Variants in SPMAP2 observed in about 807,000 individuals in gnomAD.
SPMAP2 encodes the protein sperm microtubule associated protein 2.
chr19:373,457 G>A, the SPMAP2 span: 115 of 1,612,840 alleles, frequency 7.1e-5, no homozygotes, highest in Non-Finnish European at 8.6e-5. Flanking sequence ...CAGCAGGCAC[G>A]GGCTCCACCT....
At chr19:370,602 A>G in the SPMAP2 span, among the ~76,000 whole-genome samples, 148,365 of 151,754 alleles carry the variant, frequency 0.98, 72,585 homozygotes, top group Middle Eastern at 1. Flanking sequence ...CACCCGCCTC[A>G]GCCTTCCAAA....
At chr19:372,597 C>T in the SPMAP2 span, 1 of 1,608,212 alleles carries the variant, frequency 6.2e-7, no homozygotes. Flanking sequence ...CAAACTCTGC[C>T]TTCTGAGTAG....
the SPMAP2 span, among the ~76,000 whole-genome samples, chr19:372,135 T>C: frequency 6.6e-6 from 1 of 152,360 alleles, no homozygotes; most frequent in East Asian, 1.9e-4. Flanking sequence ...TGGACACACT[T>C]CCGCTGTCTA....
At chr19:375,870 C>A in the SPMAP2 span, 1 of 1,580,798 alleles carries the variant, frequency 6.3e-7, no homozygotes. Flanking sequence ...GTACACAGAG[C>A]TCTGGAGGCC....
chr19:371,400 G>C, the SPMAP2 span: 20 of 590,152 alleles, frequency 3.4e-5, no homozygotes, highest in Non-Finnish European at 5.3e-5. Context: ...GTGTGTGTGT[G>C]TGTGTATGTG....
the SPMAP2 span, chr19:372,538 G>T: frequency 1.5e-6 from 2 of 1,330,308 alleles, no homozygotes; most frequent in Non-Finnish European, 2.2e-6. Context: ...CTAGGACCTG[G>T]ACCCTTTCCC....
the SPMAP2 span, among the ~76,000 whole-genome samples, chr19:369,934 G>A: frequency 1.3e-5 from 2 of 152,208 alleles, no homozygotes; most frequent in Non-Finnish European, 2.9e-5. Flanking sequence ...CAGGCCATCT[G>A]GATGTATACG....
the SPMAP2 span, chr19:367,050 G>C: frequency 6.2e-7 from 1 of 1,612,680 alleles, no homozygotes; most frequent in Non-Finnish European, 8.5e-7. Flanking sequence ...TGCCTAGCCT[G>C]AGGCACCTAC....
chr19:365,265 C>G, the SPMAP2 span, among the ~76,000 whole-genome samples: 1 of 152,232 alleles, frequency 6.6e-6, no homozygotes, highest in Non-Finnish European at 1.5e-5. Flanking sequence ...CGGGTGGATG[C>G]GAGCTCTGCC....
At chr19:368,031 G>A in the SPMAP2 span, among the ~76,000 whole-genome samples, 1 of 152,138 alleles carries the variant, frequency 6.6e-6, no homozygotes, top group South Asian at 2.1e-4. The surrounding 1 kb of genome is among the most constrained non-coding windows in gnomAD (Gnocchi z 4.1). Flanking sequence ...AGACCTTGCG[G>A]ACGTTTCACC....
chr19:372,679 T>G, the SPMAP2 span: 1 of 1,614,046 alleles, frequency 6.2e-7, no homozygotes. Context: ...CCGAGACAGT[T>G]CCTCCACGCG....
the SPMAP2 span, chr19:375,852 C>CG: frequency 6.2e-7 from 1 of 1,601,110 alleles, no homozygotes; most frequent in Non-Finnish European, 8.5e-7. Context: ...TGTGACCCGC[C>CG]GGCTCTCGTA....
At chr19:375,839 G>A in the SPMAP2 span, 1 of 1,604,010 alleles carries the variant, frequency 6.2e-7, no homozygotes, top group Non-Finnish European at 8.5e-7. Flanking sequence ...GGCGTTCGGG[G>A]TCTGTGACCC....
the SPMAP2 span, among the ~76,000 whole-genome samples, chr19:365,546 C>G: frequency 1.7e-5 from 1 of 59,490 alleles, no homozygotes; most frequent in Non-Finnish European, 4.7e-5. Flanking sequence ...AGCACACACA[C>G]ACAGCCACAC....
the SPMAP2 span, among the ~76,000 whole-genome samples, chr19:363,690 C>T: frequency 0.24 from 35,467 of 150,514 alleles, 5,012 homozygotes; most frequent in African/African-American, 0.4. Context: ...CCCGCCACCA[C>T]GCCCGACTAA....
chr19:371,190 G>A, the SPMAP2 span: 5 of 1,409,476 alleles, frequency 3.5e-6, no homozygotes, highest in Admixed American at 7.7e-5. Flanking sequence ...GTCGCGGGGG[G>A]CACGGGGCAC....
the SPMAP2 span, among the ~76,000 whole-genome samples, chr19:369,941 T>C: frequency 6.6e-6 from 1 of 152,164 alleles, no homozygotes; most frequent in South Asian, 2.1e-4. Context: ...TCTGGATGTA[T>C]ACGTGCAAGT....
At chr19:370,453 T>C in the SPMAP2 span, among the ~76,000 whole-genome samples, 1 of 151,512 alleles carries the variant, frequency 6.6e-6, no homozygotes, top group African/African-American at 2.4e-5. Flanking sequence ...GCGATTCTCC[T>C]GCCTCAGCCT....
the SPMAP2 span, chr19:362,112 C>T: frequency 9.8e-7 from 1 of 1,022,404 alleles, no homozygotes; most frequent in Non-Finnish European, 1.4e-6. Flanking sequence ...GCCTTCTAGC[C>T]CGCCCTCCCT....
Sources: gnomAD v4.1 joint callset for allele counts (sites outside exome capture counted in the v4.1 genomes callset) on GRCh38, gnomAD v4.1.1 for gene constraint, Gnocchi (gnomAD v3.1) non-coding constraint, MANE v1.5 for transcripts, NCBI Gene and HGNC (gene_info 2026-07-23, HGNC 2026-07-21) for gene names.